Variants in DOCK8 observed in about 807,000 individuals in gnomAD.
DOCK8 encodes dedicator of cytokinesis 8, also known as dedicator of cytokinesis protein 8.
Under a neutral mutation model 245.6 loss-of-function variants are expected in DOCK8, and 141 were observed. That is an observed-to-expected ratio of 0.57 (90% CI 0.50 to 0.66). DOCK8 has a LOEUF of 0.66. DOCK8 is among the 30% of genes least tolerant of loss of function. DOCK8 has a pLI of 0.00. For missense variants in DOCK8, 2,965 were observed against 2,603.4 expected (o/e 1.14, Z -3.02); for synonymous variants, 1,168 against 970.2 (o/e 1.20, Z -3.79).
At chr9:444,496 G>T (rs1236125083) in intron 43 of DOCK8, among the ~76,000 whole-genome samples, 2 of 151,952 alleles carry the variant, frequency 1.3e-5, no homozygotes, top group African/African-American at 2.4e-5. Flanking sequence ...TTTATTTATG[G>T]CTTCCTGGCT....
chr9:403,932 G>C (rs180727651), intron 26 of DOCK8, among the ~76,000 whole-genome samples: 4 of 80,494 alleles, frequency 5.0e-5, no homozygotes, highest in Admixed American at 1.4e-4. Context: ...ATATATATGT[G>C]TATATATATA....
At chr9:453,026 A>G (rs1397617791) in intron 46 of DOCK8, 2 of 152,260 alleles carry the variant, frequency 1.3e-5, no homozygotes, top group African/African-American at 2.4e-5. Flanking sequence ...AATATTAAGT[A>G]TAAGAATATC....
chr9:447,721 G>T, intron 44 of DOCK8, among the ~76,000 whole-genome samples: 1 of 152,176 alleles, frequency 6.6e-6, no homozygotes, highest in Non-Finnish European at 1.5e-5. Context: ...TAATCAAGTT[G>T]GTGAACAAAC....
In DOCK8 at chr9:406,921, T is replaced by A. The variant is rs1171107768; in HGVS notation, c.3391-9T>A. The A allele has an allele frequency of 6.2e-7, 1 of 1,613,960 alleles. No homozygotes were observed. The highest frequency in any genetic ancestry group is 1.3e-5 in the African/African-American group (1 of 74,890). On this transcript the variant is annotated splice_polypyrimidine_tract_variant and intron_variant, in intron 27 of 47. Transcript: ENST00000432829. ...GTGGCTCATAAAATGGCTCCTTACG[T>A]TTCTGTAGAACTCAAGCTCCTGCTC...
intron 1 of DOCK8, among the ~76,000 whole-genome samples, chr9:218,899 A>G (rs1208254676): frequency 1.3e-5 from 2 of 152,174 alleles, no homozygotes; most frequent in Admixed American, 6.5e-5. Context: ...ATTCACCTCT[A>G]TGAGATAGGA....
rs747088594 is a variant in DOCK8, at chr9:215,018, C to T, written c.42C>T (p.Leu14=). 6.3e-7 allele frequency: 1 copy of T among 1,590,102 alleles called. No individual in the cohort carries two copies. The highest frequency in any genetic ancestry group is 8.5e-7 in the Non-Finnish European group (1 of 1,173,992). The part of the protein sequence containing the change: ...LPSAERRAFA[L]KINRYSSAEI... ...GCGCAGAGCGCCGCGCGTTCGCGCT[C>T]AAGATCAACAGGTAAGACGCCCCCC... Residue 14 remains leucine, a synonymous_variant, in exon 1 of 48, where the codon CTC becomes CTT. Coordinates refer to ENST00000432829, the MANE Select transcript of DOCK8 (RefSeq NM_203447.4).
chr9:350,168 A>C (rs980971300), intron 14 of DOCK8, among the ~76,000 whole-genome samples: 2 of 152,192 alleles, frequency 1.3e-5, no homozygotes, highest in African/African-American at 4.8e-5. Flanking sequence ...ATTGGAGTGC[A>C]GTGGTACGAT....
chr9:393,085 C>CAAAAAAAAAAAAA (rs1159933739), intron 24 of DOCK8, among the ~76,000 whole-genome samples: 8 of 44,748 alleles, frequency 1.8e-4, no homozygotes, highest in African/African-American at 4.3e-4. Flanking sequence ...GACCCTGTCT[C>CAAAAAAAAAAAAA]AAAAAAAAAA....
At chr9:256,778 C>T (rs189917655) in intron 1 of DOCK8, among the ~76,000 whole-genome samples, 1 of 150,428 alleles carries the variant, frequency 6.6e-6, no homozygotes, top group African/African-American at 2.5e-5. Context: ...GCTCAGGCTT[C>T]AGTGCACATC....
chr9:272,492 C>T (rs2048189846), intron 2 of DOCK8, among the ~76,000 whole-genome samples: 1 of 152,132 alleles, frequency 6.6e-6, no homozygotes, highest in Non-Finnish European at 1.5e-5. Context: ...AGATGATTCT[C>T]CTCCCACCTC....
At position 289,546 on chromosome 9, in the gene DOCK8, G is replaced by T. The variant is rs561736790; in HGVS notation, c.369G>T (p.Gln123His). The T allele has an allele frequency of 3.7e-6, 6 of 1,613,092 alleles. No homozygotes were observed. The Admixed American group carries it at 6.7e-5, about 18-fold the overall frequency. Reference protein sequence around the residue: ...ELDPHVRDCVQTYIREWLIVN... With the variant: ...ELDPHVRDCVHTYIREWLIVN... ...ACCCTCATGTCAGGGACTGTGTTCAGACCTACATCCGTGAGTGGCTAATCG... is the reference window on the plus strand; with the variant it reads ...ACCCTCATGTCAGGGACTGTGTTCATACCTACATCCGTGAGTGGCTAATCG... The change falls in exon 4 of 48, where the codon CAG becomes CAT. Residue 123 changes from glutamine to histidine, a missense_variant. This residue lies in a region of DOCK8 where 2,825 missense variants were observed against 2,453.5 expected (regional missense o/e 1.15). Transcript: ENST00000432829.
chr9:255,988 G>A (rs1013437263), intron 1 of DOCK8, among the ~76,000 whole-genome samples: 1 of 152,144 alleles, frequency 6.6e-6, no homozygotes, highest in Non-Finnish European at 1.5e-5. Flanking sequence ...TTGAATAACT[G>A]TTTAGTGCAC....
chr9:426,691 C>T (rs1357825833), intron 33 of DOCK8, among the ~76,000 whole-genome samples, 194 bp from the exon 34 acceptor site: 1 of 152,166 alleles, frequency 6.6e-6, no homozygotes, highest in African/African-American at 2.4e-5. Flanking sequence ...GGAAACCTTA[C>T]CTAGACAGTT....
intron 29 of DOCK8, among the ~76,000 whole-genome samples, chr9:416,634 C>T (rs1333885126): frequency 6.6e-6 from 1 of 152,174 alleles, no homozygotes; most frequent in Admixed American, 6.5e-5. Context: ...CATAAGAATA[C>T]AGTCTTTCAA....
chr9:333,376 C>G (rs886550199), intron 10 of DOCK8, among the ~76,000 whole-genome samples: 1 of 152,130 alleles, frequency 6.6e-6, no homozygotes, highest in Non-Finnish European at 1.5e-5. Flanking sequence ...CCAAGGCGGG[C>G]AGATCATGAG....
At chr9:286,662 G>A (rs1563877370) in intron 3 of DOCK8, 26 bp downstream of exon 3, 2 of 1,610,690 alleles carry the variant, frequency 1.2e-6, no homozygotes, top group East Asian at 2.2e-5. Flanking sequence ...AAATGTAGAT[G>A]TGATTGGGAT....
intron 5 of DOCK8, among the ~76,000 whole-genome samples, chr9:305,543 C>T (rs938634646): frequency 6.6e-6 from 1 of 152,168 alleles, no homozygotes; most frequent in African/African-American, 2.4e-5. Context: ...CCTCGGCCTC[C>T]CAAAGTGCTG....
chr9:410,838 A>G (rs2055687391), intron 28 of DOCK8, among the ~76,000 whole-genome samples: 1 of 152,244 alleles, frequency 6.6e-6, no homozygotes, highest in Admixed American at 6.5e-5. Flanking sequence ...GCTGACCAAG[A>G]AAAAAGGAAG....
At chr9:392,337 G>A (rs1416239915) in intron 24 of DOCK8, among the ~76,000 whole-genome samples, 1 of 152,142 alleles carries the variant, frequency 6.6e-6, no homozygotes, top group East Asian at 1.9e-4. Context: ...TTCAGAAGAA[G>A]TCAGGTTCAT....
Sources: gnomAD v4.1 joint callset for allele counts (sites outside exome capture counted in the v4.1 genomes callset) on GRCh38, gnomAD v4.1.1 for gene constraint, gnomAD v4.1.1 regional missense constraint, MANE v1.5 for transcripts, NCBI Gene and HGNC (gene_info 2026-07-23, HGNC 2026-07-21) for gene names.